Variants in CNTNAP2 observed in about 807,000 individuals in gnomAD.
CNTNAP2 encodes the protein contactin associated protein 2, also known as contactin-associated protein-like 2.
In CNTNAP2, 98 loss-of-function variants were observed where a neutral mutation model predicts 155.2. The observed-to-expected ratio is 0.63, with a 90% CI of 0.54 to 0.75. The LOEUF (loss-of-function observed/expected upper bound fraction) is 0.75. Among genes scored for constraint, CNTNAP2 ranks in the 30% least tolerant of loss-of-function variants. The pLI is 0.00. For synonymous variants in CNTNAP2, 651 were observed against 631.2 expected, an observed-to-expected ratio of 1.03 and a Z score of -0.47; for missense variants, 1,727 against 1,688.1, an observed-to-expected ratio of 1.02 and a Z score of -0.40.
chr7:147,119,572 T>G (rs1293528866), intron 5 of CNTNAP2, among the ~76,000 whole-genome samples: 2 of 152,186 alleles, frequency 1.3e-5, no homozygotes, highest in African/African-American at 4.8e-5. Flanking sequence ...TCCCTCTCCT[T>G]TTCCTTGTCT....
intron 1 of CNTNAP2, among the ~76,000 whole-genome samples, chr7:146,312,749 C>G (rs181336368): frequency 6.8e-4 from 103 of 152,244 alleles, no homozygotes; most frequent in Admixed American, 4.4e-3. Context: ...ATCCACATTT[C>G]TATTCCTTGT....
intron 13 of CNTNAP2, among the ~76,000 whole-genome samples, chr7:147,791,417 T>A (rs1797816715): frequency 6.6e-6 from 1 of 151,944 alleles, no homozygotes; most frequent in South Asian, 2.1e-4. Flanking sequence ...ATATATATAG[T>A]CTTTCTCTGG....
At chr7:147,260,422 G>A (rs959770617) in intron 8 of CNTNAP2, among the ~76,000 whole-genome samples, 2 of 152,066 alleles carry the variant, frequency 1.3e-5, no homozygotes, top group Non-Finnish European at 2.9e-5. Context: ...TAATATTATG[G>A]GGAAAAATTT....
chr7:147,232,493 G>C (rs1056786898), intron 8 of CNTNAP2, among the ~76,000 whole-genome samples: 1 of 152,108 alleles, frequency 6.6e-6, no homozygotes, highest in African/African-American at 2.4e-5. Flanking sequence ...CACAGACACA[G>C]AAATACAACA....
intron 1 of CNTNAP2, among the ~76,000 whole-genome samples, chr7:146,420,600 T>C (rs1795998015): frequency 6.6e-6 from 1 of 152,112 alleles, no homozygotes; most frequent in Non-Finnish European, 1.5e-5. Flanking sequence ...GTCTTTGTTG[T>C]CCACTGTCTC....
At chr7:147,281,947 G>A (rs1212510618) in intron 8 of CNTNAP2, among the ~76,000 whole-genome samples, 1 of 151,812 alleles carries the variant, frequency 6.6e-6, no homozygotes, top group African/African-American at 2.4e-5. Flanking sequence ...CTACACCTGT[G>A]AGCTGAGATC....
chr7:146,144,443 C>T (rs1003533018), intron 1 of CNTNAP2, among the ~76,000 whole-genome samples: 4 of 152,186 alleles, frequency 2.6e-5, no homozygotes, highest in East Asian at 1.9e-4. Flanking sequence ...TGAGCTACTG[C>T]ACCCTGAGAC....
intron 1 of CNTNAP2, among the ~76,000 whole-genome samples, chr7:146,273,086 A>AAGAGAGAGAGAG (rs58582637): frequency 3.6e-5 from 5 of 138,006 alleles, no homozygotes; most frequent in African/African-American, 1.5e-4. Context: ...GAGAAAGAGA[A>AAGAGAGAGAGAG]AGAGAGAGAG....
At chr7:148,043,358 C>T (rs1802712364) in intron 15 of CNTNAP2, among the ~76,000 whole-genome samples, 1 of 152,140 alleles carries the variant, frequency 6.6e-6, no homozygotes, top group African/African-American at 2.4e-5. Context: ...ACCCAGGAAG[C>T]AAATACATAT....
chr7:146,302,224 C>T (rs961230762), intron 1 of CNTNAP2, among the ~76,000 whole-genome samples: 2 of 151,960 alleles, frequency 1.3e-5, no homozygotes, highest in Non-Finnish European at 2.9e-5. Flanking sequence ...ATTTATGCAC[C>T]CCTTTTCAGT....
At chr7:146,869,194 A>G (rs1585130176) in intron 3 of CNTNAP2, among the ~76,000 whole-genome samples, 1 of 152,168 alleles carries the variant, frequency 6.6e-6, no homozygotes, top group African/African-American at 2.4e-5. Context: ...TGTTCCTTCA[A>G]TACCTAGTTT....
At chr7:147,048,046 C>A (rs969669231) in intron 4 of CNTNAP2, among the ~76,000 whole-genome samples, 23 of 146,670 alleles carry the variant, frequency 1.6e-4, no homozygotes, top group Admixed American at 3.4e-4. Flanking sequence ...ACTAAGTTAA[C>A]AATCATGACA....
chr7:146,693,183 T>C (rs1563191228), intron 1 of CNTNAP2, among the ~76,000 whole-genome samples: 1 of 152,276 alleles, frequency 6.6e-6, no homozygotes, highest in East Asian at 1.9e-4. Flanking sequence ...ACATATTAGC[T>C]GTGTAATAAT....
rs372798907 is a variant in CNTNAP2, at chr7:146,194,349, A to G, written c.97+77376A>G. Among the ~76,000 whole-genome samples the G allele has an allele frequency of 7.9e-4, 120 of 152,364 alleles. 1 individual carries two copies. The highest frequency in any genetic ancestry group is 2.7e-3 in the African/African-American group (111 of 41,592). On this transcript the variant is annotated intron_variant, in intron 1 of 23. Coordinates refer to ENST00000361727, the MANE Select transcript of CNTNAP2 (RefSeq NM_014141.6). ...TTCAGCATGGCTGGGGAAGTCTCAC[A>G]ATCATGGTGGAAGGCAAAGGAGAAG...
intron 13 of CNTNAP2, among the ~76,000 whole-genome samples, chr7:147,770,123 T>G (rs574895191): frequency 6.6e-6 from 1 of 152,202 alleles, no homozygotes; most frequent in Non-Finnish European, 1.5e-5. Flanking sequence ...GTGTAATTTG[T>G]AGTTCAATTC....
chr7:146,953,085 T>C (rs1050703454), intron 3 of CNTNAP2, among the ~76,000 whole-genome samples: 1 of 152,048 alleles, frequency 6.6e-6, no homozygotes, highest in Non-Finnish European at 1.5e-5. Flanking sequence ...ATTCTAGCTC[T>C]CAAGGCTGGT....
chr7:148,385,217 C>T (rs528010025), intron 22 of CNTNAP2, among the ~76,000 whole-genome samples: 5 of 152,256 alleles, frequency 3.3e-5, no homozygotes, highest in South Asian at 2.1e-4. Context: ...CATTTACAGA[C>T]GAAACAATCC....
At chr7:147,946,020 A>G (rs116010533) in intron 14 of CNTNAP2, among the ~76,000 whole-genome samples, 3,319 of 151,532 alleles carry the variant, frequency 0.022, 124 homozygotes, top group African/African-American at 0.075. Context: ...GATGCGCGCC[A>G]CCATGCTCGG....
intron 9 of CNTNAP2, among the ~76,000 whole-genome samples, chr7:147,330,966 C>T (rs1419145951): frequency 6.6e-6 from 1 of 152,124 alleles, no homozygotes; most frequent in Non-Finnish European, 1.5e-5. Context: ...TCCTTTCTAC[C>T]ACTAACTAGT....
Sources: gnomAD v4.1 joint callset for allele counts (sites outside exome capture counted in the v4.1 genomes callset) on GRCh38, gnomAD v4.1.1 for gene constraint, MANE v1.5 for transcripts, NCBI Gene and HGNC (gene_info 2026-07-23, HGNC 2026-07-21) for gene names.